The following EDARADD variants were observed in gnomAD, a reference collection of about 807,000 sequenced individuals.
The protein encoded by EDARADD is EDAR associated via death domain.
A neutral mutation model predicts 25.6 loss-of-function variants in EDARADD; 20 were observed. The ratio of observed to expected loss-of-function variants is 0.78; its 90% CI spans 0.55 to 1.14. The LOEUF (loss-of-function observed/expected upper bound fraction) is 1.14, where lower values mean the gene tolerates loss of function less well. Ranked by LOEUF, EDARADD falls within the 50% of genes most tolerant of loss-of-function variation. EDARADD has a pLI of 0.00. For missense variants in EDARADD, 225 were observed against 270.1 expected (o/e 0.83, Z 1.17); for synonymous variants, 86 against 94.4 (o/e 0.91, Z 0.52).
At chr1:236,364,573 C>T (rs1423419063) in intron 3 of EDARADD, among the ~76,000 whole-genome samples, 4 of 152,210 alleles carry the variant, frequency 2.6e-5, no homozygotes, top group Non-Finnish European at 5.9e-5. Context: ...TAATATAGCT[C>T]AGCAATGTTT....
intron 2 of EDARADD, among the ~76,000 whole-genome samples, chr1:236,349,595 C>CA (rs1666890900): frequency 6.6e-6 from 1 of 151,950 alleles, no homozygotes; most frequent in Non-Finnish European, 1.5e-5. Context: ...TTCTGGTTGA[C>CA]AATTGGTTGA....
intron 5 of EDARADD, among the ~76,000 whole-genome samples, chr1:236,477,602 G>A (rs1377726134): frequency 6.6e-6 from 1 of 152,104 alleles, no homozygotes; most frequent in African/African-American, 2.4e-5. Flanking sequence ...GAGAATCTGA[G>A]GTGGGTTTTC....
rs1667576636 is a variant in EDARADD at position 236,399,387 on chromosome 1, A to G, written c.61+4882A>G. On this transcript the variant is annotated intron_variant, in intron 1 of 5. Coordinates refer to ENST00000334232, the MANE Select transcript of EDARADD (RefSeq NM_145861.4). Reference sequence around the variant, plus strand: ...TTTTTAGTAGAGACGGGGTTTCACCATGTTGGCCAGGCTGGCCTGGAACCA... The same window carrying G: ...TTTTTAGTAGAGACGGGGTTTCACCGTGTTGGCCAGGCTGGCCTGGAACCA... Among the ~76,000 whole-genome samples the G allele has an allele frequency of 2.6e-5, 4 of 152,238 alleles. No individual in the cohort carries two copies. The South Asian group carries it at 8.3e-4, about 32-fold the overall frequency.
chr1:236,359,950 G>T (rs1416411568), intron 3 of EDARADD, among the ~76,000 whole-genome samples: 1 of 152,068 alleles, frequency 6.6e-6, no homozygotes, highest in Non-Finnish European at 1.5e-5. Flanking sequence ...AACACAAGTG[G>T]GCTAAGACAA....
chr1:236,391,844 C>T (rs1231571092), upstream of EDARADD, among the ~76,000 whole-genome samples: 1 of 152,198 alleles, frequency 6.6e-6, no homozygotes, highest in African/African-American at 2.4e-5. Context: ...GTCCTTTCCA[C>T]ACTTACGGCT....
intron 1 of EDARADD, among the ~76,000 whole-genome samples, chr1:236,406,104 G>C (rs1667734595): frequency 6.6e-6 from 1 of 151,356 alleles, no homozygotes; most frequent in Non-Finnish European, 1.5e-5. Context: ...CTGTGTTGAT[G>C]CTATTAACAA....
intron 1 of EDARADD, among the ~76,000 whole-genome samples, chr1:236,407,936 G>GT (rs1247710250): frequency 2.0e-5 from 3 of 152,116 alleles, no homozygotes; most frequent in African/African-American, 2.4e-5. Flanking sequence ...AAAAACTATG[G>GT]TTTTTTCTTT....
At chr1:236,376,970 T>C (rs778855285) in intron 3 of EDARADD, among the ~76,000 whole-genome samples, 5 of 152,034 alleles carry the variant, frequency 3.3e-5, no homozygotes, top group Admixed American at 6.6e-5. Context: ...AATGAGTCCA[T>C]GAAAGACATT....
chr1:236,394,924 G>A (rs1667486077), intron 1 of EDARADD, among the ~76,000 whole-genome samples: 1 of 152,164 alleles, frequency 6.6e-6, no homozygotes, highest in South Asian at 2.1e-4. Context: ...GTGTGTATTG[G>A]GCGACTTCTG....
At chr1:236,478,393 TTA>T (rs1167423907) in intron 5 of EDARADD, among the ~76,000 whole-genome samples, 1 of 128,786 alleles carries the variant, frequency 7.8e-6, no homozygotes, top group Non-Finnish European at 1.7e-5. Flanking sequence ...GTGTATGGAT[TTA>T]TATATATATA....
At position 236,398,731 on chromosome 1, in the gene EDARADD, C is replaced by T. The variant is rs1667564262; in HGVS notation, c.61+4226C>T. On this transcript the variant is annotated intron_variant, in intron 1 of 5. Transcript: ENST00000334232. This position sits in a 1 kb window ranked among gnomAD's most constrained non-coding sequence, Gnocchi z 4.1. ...CACCCGTTTCCTTCTACTTAACCTC[C>T]AGATTTCAGCTCATAGGTCACCGGG... 6.6e-6 allele frequency among the ~76,000 whole-genome samples: 1 copy of T among 152,212 alleles called. No individual in the cohort carries two copies. The highest frequency in any genetic ancestry group is 2.1e-4 in the South Asian group (1 of 4,830).
chr1:236,405,723 C>CTT (rs1188518167), intron 1 of EDARADD, among the ~76,000 whole-genome samples: 6 of 146,126 alleles, frequency 4.1e-5, no homozygotes, highest in African/African-American at 1.3e-4. Context: ...TCCTTCCTTT[C>CTT]TTTTTCTTTC....
At chr1:236,422,313 G>A (rs1041859759) in intron 3 of EDARADD, among the ~76,000 whole-genome samples, 1 of 152,198 alleles carries the variant, frequency 6.6e-6, no homozygotes, top group African/African-American at 2.4e-5. Flanking sequence ...AAAGGAGACT[G>A]GAAATGTTCT....
intron 1 of EDARADD, among the ~76,000 whole-genome samples, chr1:236,397,781 C>CATAG (rs1667543035): frequency 6.6e-6 from 1 of 152,158 alleles, no homozygotes; most frequent in African/African-American, 2.4e-5. Flanking sequence ...TCCAAATGTC[C>CATAG]ATTCCCGCTC....
At chr1:236,352,266 C>A (rs896122923) in intron 3 of EDARADD, among the ~76,000 whole-genome samples, 1 of 152,214 alleles carries the variant, frequency 6.6e-6, no homozygotes, top group Non-Finnish European at 1.5e-5. Context: ...GTTATTATCT[C>A]TGTCTCTCCT....
In EDARADD at chr1:236,421,254, C is replaced by T. The variant is rs542857787; in HGVS notation, c.161-6138C>T. ...TAGGAGCAGAGCAAACAACAAGGGG[C>T]TGTCAGACAGGCTTTATGGTATTAA... On this transcript the variant is annotated intron_variant, in intron 3 of 5. Transcript: ENST00000334232. Among the ~76,000 whole-genome samples, 8 of 146,746 alleles carry T rather than the reference C, an allele frequency of 5.5e-5. 1 individual carries two copies. The highest frequency in any genetic ancestry group is 9.0e-5 in the Non-Finnish European group (6 of 66,538).
At chr1:236,416,574 T>C (rs766646726) in intron 3 of EDARADD, among the ~76,000 whole-genome samples, 64 of 152,364 alleles carry the variant, frequency 4.2e-4, no homozygotes, top group Middle Eastern at 3.4e-3. Context: ...GTAACGTGAA[T>C]GTGAAAACCA....
chr1:236,463,741 C>G (rs1431715880), intron 4 of EDARADD, among the ~76,000 whole-genome samples: 1 of 152,240 alleles, frequency 6.6e-6, no homozygotes, highest in Non-Finnish European at 1.5e-5. Flanking sequence ...TTCCCCATTT[C>G]TGCTTCCTAG....
intron 4 of EDARADD, among the ~76,000 whole-genome samples, chr1:236,448,125 G>A (rs780673616): frequency 1.6e-4 from 25 of 152,168 alleles, no homozygotes; most frequent in Admixed American, 3.9e-4. Flanking sequence ...ATGAGCCACC[G>A]CGCCTGGCCC....
Sources: allele counts gnomAD v4.1 joint callset (sites outside exome capture counted in the v4.1 genomes callset), GRCh38; gene constraint gnomAD v4.1.1; non-coding constraint Gnocchi (gnomAD v3.1); transcripts MANE v1.5; gene names NCBI Gene and HGNC (gene_info 2026-07-23, HGNC 2026-07-21).